Variants in SRP54 observed in about 807,000 individuals in gnomAD.
The protein encoded by SRP54 is signal recognition particle 54.
Under a neutral mutation model 64.8 loss-of-function variants are expected in SRP54, and 10 were observed. The ratio of observed to expected loss-of-function variants is 0.15; its 90% confidence interval spans 0.10 to 0.26. SRP54 has a LOEUF of 0.26. Among genes scored for constraint, SRP54 ranks in the 10% least tolerant of loss-of-function variants. The pLI, the probability that SRP54 is intolerant of heterozygous loss-of-function variation, is 1.00. For missense variants in SRP54, 325 were observed against 613.7 expected (o/e 0.53, Z 4.97); for synonymous variants, 193 against 185.6 (o/e 1.04, Z -0.32).
intron 1 of SRP54, among the ~76,000 whole-genome samples, chr14:34,988,582 T>TATATATATATATATAAC (rs1555352771): frequency 5.7e-4 from 20 of 35,052 alleles, no homozygotes; most frequent in African/African-American, 1.3e-3. Context: ...AAAAAAAATA[T>TATATATATATATATAAC]ATATATATAT....
At chr14:34,995,986 G>A (rs114639272) in intron 1 of SRP54, among the ~76,000 whole-genome samples, 2,435 of 150,500 alleles carry the variant, frequency 0.016, 50 homozygotes, top group African/African-American at 0.053. Context: ...GATTTCCTGC[G>A]CCCAGGAAGT....
In SRP54 at chr14:35,028,070, T is replaced by G. The variant is rs1416485877; in HGVS notation, c.1328-18T>G. The G allele has an allele frequency of 6.6e-7, 1 of 1,522,222 alleles. No individual in the cohort carries two copies. The highest frequency in any genetic ancestry group is 9.0e-7 in the Non-Finnish European group (1 of 1,115,640). The allele number at this position is 1,522,222 out of a possible 1,614,324, so 94.3% of individuals were successfully genotyped here. A position where few individuals can be genotyped will look rare whatever the true frequency, so the allele number is the denominator to read the frequency against. On this transcript the variant is annotated intron_variant, in intron 14 of 15. Transcript: ENST00000216774. The stretch of plus-strand genomic sequence containing the variant: ...TACCTCCTACGCTGACTCAAAATCT[T>G]TTTTTTTTTCCCCTCAGGTGGCGAC...
At chr14:35,008,974 C>T (rs1566650319) in intron 7 of SRP54, 143 bp downstream of exon 7, 3 of 600,624 alleles carry the variant, frequency 5.0e-6, no homozygotes, top group Non-Finnish European at 5.7e-6. Context: ...GCAACCACCA[C>T]CTCCTGGGTT....
chr14:35,002,238 C>T (rs986635957), intron 4 of SRP54, among the ~76,000 whole-genome samples: 2 of 151,918 alleles, frequency 1.3e-5, no homozygotes, highest in East Asian at 3.9e-4. Flanking sequence ...TCTGTAGTTC[C>T]AGCTACTCCG....
At chr14:35,027,018 T>C (rs544194338) in intron 14 of SRP54, among the ~76,000 whole-genome samples, 35 of 146,084 alleles carry the variant, frequency 2.4e-4, no homozygotes, top group Non-Finnish European at 4.8e-4. Flanking sequence ...TACTTTACTT[T>C]CTACTTTCTT....
At chr14:35,015,027 C>T (rs2044415879) in intron 11 of SRP54, among the ~76,000 whole-genome samples, 197 bp downstream of exon 11, 1 of 152,078 alleles carries the variant, frequency 6.6e-6, no homozygotes, top group Non-Finnish European at 1.5e-5. Flanking sequence ...TTTTTATTTT[C>T]TTTATTGTAA....
At chr14:34,990,742 A>G (rs541451233) in intron 1 of SRP54, among the ~76,000 whole-genome samples, 3 of 152,338 alleles carry the variant, frequency 2.0e-5, no homozygotes, top group African/African-American at 7.2e-5. Context: ...AGGTGAGGTT[A>G]ATTTTTAAGT....
intron 4 of SRP54, among the ~76,000 whole-genome samples, chr14:35,005,409 A>G (rs2044240863): frequency 6.6e-6 from 1 of 152,214 alleles, no homozygotes; most frequent in Non-Finnish European, 1.5e-5. Context: ...TGTAATAACT[A>G]GAAATGTAAT....
chr14:34,991,109 CTTTTTTT>C (rs71435838), intron 1 of SRP54, among the ~76,000 whole-genome samples: 25 of 111,086 alleles, frequency 2.3e-4, no homozygotes, highest in Admixed American at 1.5e-3. Flanking sequence ...AATTTCTTTT[CTTTTTTT>C]TTTTTTTTTT....
chr14:34,996,303 G>A (rs938514111), intron 1 of SRP54, among the ~76,000 whole-genome samples: 3 of 152,010 alleles, frequency 2.0e-5, no homozygotes, highest in Non-Finnish European at 4.4e-5. Flanking sequence ...TATTCCTGGA[G>A]ATTTCACCTT....
In SRP54 at chr14:35,028,085, C is replaced by T. The variant is rs773853735; in HGVS notation, c.1328-3C>T. 52 of 1,595,478 alleles carry T rather than the reference C, an allele frequency of 3.3e-5. No individual in the cohort carries two copies. The highest frequency in any genetic ancestry group is 4.2e-5 in the Non-Finnish European group (49 of 1,171,606). Reference sequence around the variant, plus strand: ...CTCAAAATCTTTTTTTTTTTCCCCTCAGGTGGCGACATGTCTAAGAATGTG... The same window carrying T: ...CTCAAAATCTTTTTTTTTTTCCCCTTAGGTGGCGACATGTCTAAGAATGTG... On this transcript the variant is annotated splice_polypyrimidine_tract_variant and splice_region_variant and intron_variant, in intron 14 of 15. Transcript: ENST00000216774.
At chr14:35,005,272 G>T (rs796192121) in intron 4 of SRP54, among the ~76,000 whole-genome samples, 6 of 152,332 alleles carry the variant, frequency 3.9e-5, no homozygotes, top group African/African-American at 1.4e-4. Context: ...GTTCGAGACT[G>T]CAGTAAGCCA....
At chr14:34,993,858 G>A (rs955813094) in intron 1 of SRP54, among the ~76,000 whole-genome samples, 3 of 151,840 alleles carry the variant, frequency 2.0e-5, no homozygotes, top group African/African-American at 4.8e-5. Context: ...ACCATACCTG[G>A]CTAATTTTGT....
intron 1 of SRP54, among the ~76,000 whole-genome samples, chr14:34,987,634 G>T (rs1038878625): frequency 6.6e-6 from 1 of 152,066 alleles, no homozygotes; most frequent in Non-Finnish European, 1.5e-5. Flanking sequence ...ATTGCCTAGT[G>T]ATATACCTTT....
chr14:35,022,786 A>T, intron 13 of SRP54, 124 bp from the exon 14 acceptor site: 1 of 653,632 alleles, frequency 1.5e-6, no homozygotes, highest in Non-Finnish European at 2.3e-6. Context: ...AAAAAGAAAA[A>T]TGAGATAGTT....
intron 15 of SRP54, 26 bp downstream of exon 15, chr14:35,028,209 C>G: frequency 7.7e-6 from 11 of 1,420,528 alleles, no homozygotes; most frequent in Non-Finnish European, 1.1e-5. Flanking sequence ...TTGGCAGTTG[C>G]TAATGCAGTT....
chr14:35,002,368 CA>C (rs897125715), intron 4 of SRP54, among the ~76,000 whole-genome samples: 2 of 151,458 alleles, frequency 1.3e-5, no homozygotes, highest in African/African-American at 4.8e-5. Flanking sequence ...AAAAAACAAA[CA>C]AAAAAAATTT....
chr14:34,987,427 T>C (rs1434400520), intron 1 of SRP54, among the ~76,000 whole-genome samples: 2 of 151,838 alleles, frequency 1.3e-5, no homozygotes, highest in African/African-American at 2.4e-5. Context: ...CCCATACCTA[T>C]TAGCAATCAT....
intron 7 of SRP54, among the ~76,000 whole-genome samples, chr14:35,010,847 A>T (rs2044345637): frequency 6.6e-6 from 1 of 152,230 alleles, no homozygotes; most frequent in Admixed American, 6.5e-5. Flanking sequence ...TTATTTAATA[A>T]ATGATACAGC....
Sources: allele counts gnomAD v4.1 joint callset (sites outside exome capture counted in the v4.1 genomes callset), GRCh38; gene constraint gnomAD v4.1.1; transcripts MANE v1.5; gene names NCBI Gene and HGNC (gene_info 2026-07-23, HGNC 2026-07-21).